Variants in LHFPL2 observed in about 807,000 individuals in gnomAD.
LHFPL2 encodes the protein LHFPL tetraspan subfamily member 2 protein.
In LHFPL2, 7 loss-of-function variants were observed where a neutral mutation model predicts 17.5. The observed-to-expected ratio is 0.40, with a 90% confidence interval of 0.23 to 0.75. The LOEUF (loss-of-function observed/expected upper bound fraction) is 0.75. Among genes scored for constraint, LHFPL2 ranks in the 30% least tolerant of loss-of-function variants. LHFPL2 has a pLI of 0.37. For synonymous variants in LHFPL2, 134 were observed against 116.2 expected, an observed-to-expected ratio of 1.15 and a Z score of -0.99; for missense variants, 241 against 294.8, an observed-to-expected ratio of 0.82 and a Z score of 1.34.
Position 78,500,120 on chromosome 5 carries a change from A to G in LHFPL2, c.430+9664T>C, listed in dbSNP as rs113166411. Among the ~76,000 whole-genome samples, 1,348 of 152,332 alleles carry G rather than the reference A, an allele frequency of 8.8e-3. 13 individuals carry two copies. The highest frequency in any genetic ancestry group is 0.013 in the Non-Finnish European group (859 of 68,022). ...ATTTGAAATTACAGATCCATCCAGA[A>G]AAATAATGCCATCCACAAAATCACC... On this transcript the variant is annotated intron_variant, in intron 4 of 4. Coordinates refer to ENST00000380345, the MANE Select transcript of LHFPL2 (RefSeq NM_005779.3).
chr5:78,580,327 C>T (rs1373798383), intron 2 of LHFPL2, among the ~76,000 whole-genome samples: 10 of 152,190 alleles, frequency 6.6e-5, no homozygotes, highest in South Asian at 2.1e-4. Context: ...TTTCTTTTGC[C>T]GTGCAGAAGC....
At chr5:78,513,901 G>A (rs537641193) in intron 3 of LHFPL2, among the ~76,000 whole-genome samples, 3 of 152,234 alleles carry the variant, frequency 2.0e-5, no homozygotes, top group East Asian at 1.9e-4. Context: ...GTGTAAAAAC[G>A]GACTAACAGA....
rs1204147962 is a variant in LHFPL2 at position 78,645,249 on chromosome 5, G to GT, written c.-350+3249dup. 3.7e-3 allele frequency among the ~76,000 whole-genome samples: 532 copies of GT among 145,650 alleles called. 1 individual carries two copies. The highest frequency in any genetic ancestry group is 7.5e-3 in the African/African-American group (301 of 39,936). ...GTCCTTTGAAAACAGAGGTGTATGG[G>GT]TTTTTTTTTTTTCTTCTAATGTGTA... On this transcript the variant is annotated intron_variant, in intron 1 of 4. Transcript: ENST00000380345.
At chr5:78,586,269 C>G (rs1053958450) in intron 2 of LHFPL2, among the ~76,000 whole-genome samples, 6 of 152,200 alleles carry the variant, frequency 3.9e-5, no homozygotes, top group Admixed American at 2.0e-4. Flanking sequence ...CACCAGGCTG[C>G]TGTGAGGATT....
chr5:78,494,072 G>C (rs963690291), intron 4 of LHFPL2, among the ~76,000 whole-genome samples: 6 of 152,222 alleles, frequency 3.9e-5, no homozygotes, highest in Non-Finnish European at 4.4e-5. Flanking sequence ...AGTTCCTGAA[G>C]TGAGGCCACC....
At chr5:78,581,365 G>A (rs1025529134) in intron 2 of LHFPL2, among the ~76,000 whole-genome samples, 13 of 152,108 alleles carry the variant, frequency 8.5e-5, no homozygotes, top group Non-Finnish European at 1.8e-4. Flanking sequence ...TCCCTGTCTT[G>A]TGCCAGTTTT....
intron 4 of LHFPL2, among the ~76,000 whole-genome samples, chr5:78,502,824 C>A (rs1203372680): frequency 1.3e-5 from 2 of 152,224 alleles, no homozygotes; most frequent in Non-Finnish European, 1.5e-5. Context: ...CTTTTCAACA[C>A]TACGTCCCTG....
chr5:78,638,895 T>C (rs1043679603), intron 1 of LHFPL2, among the ~76,000 whole-genome samples: 1 of 152,214 alleles, frequency 6.6e-6, no homozygotes, highest in Non-Finnish European at 1.5e-5. Context: ...AGTCTCATGA[T>C]CAAGGTTTCA....
intron 2 of LHFPL2, among the ~76,000 whole-genome samples, chr5:78,623,495 T>C (rs1445981759): frequency 1.3e-5 from 2 of 152,224 alleles, no homozygotes; most frequent in African/African-American, 2.4e-5. Flanking sequence ...AACTATTGCA[T>C]TGAAACTATG....
rs965943052 is a variant in LHFPL2 at position 78,506,405 on chromosome 5, C to G, written c.430+3379G>C. ...ATCCTTTTGTTGCTCTGGCAACAGC[C>G]TCCTTTCTCACCATTTGTTTCAGTG... On this transcript the variant is annotated intron_variant, in intron 4 of 4. Coordinates refer to ENST00000380345, the MANE Select transcript of LHFPL2 (RefSeq NM_005779.3). Among the ~76,000 whole-genome samples the G allele has an allele frequency of 5.9e-5, 9 of 152,366 alleles. No individual in the cohort carries two copies. The East Asian group carries it at 1.7e-3, about 29-fold the overall frequency.
chr5:78,580,482 T>G (rs1174391720), intron 2 of LHFPL2, among the ~76,000 whole-genome samples: 3 of 149,786 alleles, frequency 2.0e-5, no homozygotes, highest in Non-Finnish European at 3.0e-5. Context: ...GTTTTAGGTC[T>G]AACGTTTAAG....
In LHFPL2 at chr5:78,510,017, C is replaced by T; in HGVS notation, c.197G>A (p.Arg66His). The change falls in exon 4 of 5, where the codon CGC (arginine) becomes CAC (histidine). Residue 66 changes from arginine to histidine, a missense_variant. Coordinates refer to ENST00000380345, the MANE Select transcript of LHFPL2 (RefSeq NM_005779.3). Reference sequence around the variant, plus strand: ...CTGCACCCCTGGGTTCCGGATGCAGCGGGCGTAGATGCCCAGGGTGGGGTG... The same window carrying T: ...CTGCACCCCTGGGTTCCGGATGCAGTGGGCGTAGATGCCCAGGGTGGGGTG... Reference protein sequence around the residue: ...PYHPTLGIYARCIRNPGVQHF... With the variant: ...PYHPTLGIYAHCIRNPGVQHF... 3 of 1,612,210 alleles carry T rather than the reference C, an allele frequency of 1.9e-6. No individual in the cohort carries two copies. The highest frequency in any genetic ancestry group is 2.5e-6 in the Non-Finnish European group (3 of 1,179,358).
intron 1 of LHFPL2, among the ~76,000 whole-genome samples, chr5:78,643,082 G>A (rs576192756): frequency 7.9e-5 from 12 of 152,036 alleles, no homozygotes; most frequent in South Asian, 6.2e-4. Flanking sequence ...CACAGCTTTC[G>A]AGATGAAATA....
chr5:78,577,229 C>G (rs183794522), intron 2 of LHFPL2, among the ~76,000 whole-genome samples: 4 of 152,294 alleles, frequency 2.6e-5, no homozygotes, highest in Admixed American at 2.0e-4. Flanking sequence ...AAGGACTGAT[C>G]GTCCTGATGC....
rs1711668785 is a variant in LHFPL2 at position 78,485,631 on chromosome 5, AC to A, written c.*3265del. 6.6e-6 allele frequency: 1 copy of A among 152,638 alleles called. No individual in the cohort carries two copies. Among genetic ancestry groups the A allele is most frequent in the African/African-American group, 2.4e-5 (1 of 41,436 alleles). 9.5% of individuals were successfully genotyped at this position (152,638 alleles called of 1,614,324 possible). On this transcript the variant is annotated 3_prime_UTR_variant, in exon 5 of 5. Transcript: ENST00000380345. ...GAGGTCTGTTCTAAGCCAGACTCTT[AC>A]AGCTAAGGAGGTGTGAGATTAGCCC... is the stretch of plus-strand genomic sequence containing the variant.
At chr5:78,503,868 T>A (rs1412033740) in intron 4 of LHFPL2, among the ~76,000 whole-genome samples, 2 of 152,180 alleles carry the variant, frequency 1.3e-5, no homozygotes, top group African/African-American at 4.8e-5. Context: ...TGGTACAGTT[T>A]GTGAAATGAT....
At chr5:78,599,769 A>G (rs1743947558) in intron 2 of LHFPL2, among the ~76,000 whole-genome samples, 2 of 152,166 alleles carry the variant, frequency 1.3e-5, no homozygotes, top group Admixed American at 1.3e-4. Context: ...ATGGCAGACA[A>G]TGGGAGACAG....
rs1431779692 is a variant in LHFPL2, at chr5:78,485,785, T to TGAAA, written c.*3108_*3111dup. On this transcript the variant is annotated 3_prime_UTR_variant, in exon 5 of 5. Coordinates refer to ENST00000380345, the MANE Select transcript of LHFPL2 (RefSeq NM_005779.3). The stretch of plus-strand genomic sequence containing the variant: ...CAACATGGCAGCTTCACATTTCACA[T>TGAAA]GAAAGACTAGCATTAACTGGGCCTG... The TGAAA allele has an allele frequency of 1.2e-4, 18 of 152,652 alleles. No homozygotes were observed. Among genetic ancestry groups the TGAAA allele is most frequent in the African/African-American group, 4.3e-4 (18 of 41,452 alleles). 9.5% of individuals were successfully genotyped at this position (152,652 alleles called of 1,614,324 possible). A position where few individuals can be genotyped will look rare whatever the true frequency, so the allele number is the denominator to read the frequency against.
At chr5:78,520,264 G>A (rs1755412123) in intron 3 of LHFPL2, among the ~76,000 whole-genome samples, 1 of 152,184 alleles carries the variant, frequency 6.6e-6, no homozygotes, top group African/African-American at 2.4e-5. Context: ...CAATGGCAAA[G>A]TCATAGGCAA....
Sources: gnomAD v4.1 joint callset for allele counts (sites outside exome capture counted in the v4.1 genomes callset) on GRCh38, gnomAD v4.1.1 for gene constraint, MANE v1.5 for transcripts, NCBI Gene and HGNC (gene_info 2026-07-23, HGNC 2026-07-21) for gene names.